DYNC1I2: variants seen among roughly 807,000 people sequenced by gnomAD.
DYNC1I2 encodes cytoplasmic dynein 1 intermediate chain 2.
Under a neutral mutation model 88.6 loss-of-function variants are expected in DYNC1I2, and 53 were observed. The observed-to-expected ratio is 0.60, with a 90% CI of 0.48 to 0.75. DYNC1I2 has a LOEUF of 0.75. Among genes scored for constraint, DYNC1I2 ranks in the 30% least tolerant of loss-of-function variants. The pLI, the probability that DYNC1I2 is intolerant of heterozygous loss-of-function variation, is 0.00. For missense variants in DYNC1I2, 458 were observed against 766.6 expected, an observed-to-expected ratio of 0.60 and a Z score of 4.75; for synonymous variants, 198 against 254.6, an observed-to-expected ratio of 0.78 and a Z score of 2.12.
intron 15 of DYNC1I2, among the ~76,000 whole-genome samples, chr2:171,738,021 A>G (rs1250125327): frequency 6.6e-6 from 1 of 152,138 alleles, no homozygotes; most frequent in East Asian, 1.9e-4. Context: ...GTATCATATA[A>G]AAATGGAATC....
chr2:171,729,885 C>G, intron 15 of DYNC1I2, 32 bp downstream of exon 15: 1 of 1,611,330 alleles, frequency 6.2e-7, no homozygotes, highest in Non-Finnish European at 8.5e-7. Context: ...GCTATTTGCT[C>G]AGGTTTCTGA....
chr2:171,728,262 T>G (rs1688376965), intron 12 of DYNC1I2, 43 bp from the exon 13 acceptor site: 1 of 1,274,706 alleles, frequency 7.8e-7, no homozygotes, highest in African/African-American at 1.5e-5. Context: ...TTGTTTTGCT[T>G]TTTGGTACAA....
chr2:171,736,667 C>G (rs1411343600), intron 15 of DYNC1I2, among the ~76,000 whole-genome samples: 1 of 152,112 alleles, frequency 6.6e-6, no homozygotes, highest in Non-Finnish European at 1.5e-5. Context: ...TGGGTACTGT[C>G]TTCATTTTCC....
chr2:171,698,090 T>G (rs1443957631), intron 3 of DYNC1I2, among the ~76,000 whole-genome samples: 2 of 152,204 alleles, frequency 1.3e-5, no homozygotes, highest in African/African-American at 4.8e-5. Flanking sequence ...AGGGTGATAC[T>G]TGGGCACTAT....
chr2:171,704,021 TTTC>T (rs991316920), intron 3 of DYNC1I2, among the ~76,000 whole-genome samples: 71 of 152,222 alleles, frequency 4.7e-4, no homozygotes, highest in African/African-American at 1.7e-3. Context: ...TGCCAGAGGC[TTTC>T]TTCTACTTGA....
chr2:171,726,245 A>T lies in DYNC1I2; in HGVS notation c.822A>T (p.Glu274Asp). 1 of 1,612,548 alleles carries T rather than the reference A, an allele frequency of 6.2e-7. No individual in the cohort carries two copies. The highest frequency in any genetic ancestry group is 8.5e-7 in the Non-Finnish European group (1 of 1,179,418). Residue 274 changes from glutamate (E) to aspartate (D), a missense_variant, in exon 10 of 18, where the codon GAA becomes GAT. Transcript: ENST00000397119. ...KLSLNRQFFD[E>D]RWSKHRVVSC... is the part of the protein sequence containing the mutation. ...CATTAAATCGACAATTTTTTGACGA[A>T]CGTTGGTCAAAGCATCGGGTGGTTA... is the stretch of plus-strand genomic sequence containing the variant.
intron 3 of DYNC1I2, among the ~76,000 whole-genome samples, chr2:171,695,053 A>G (rs747737448): frequency 2.1e-4 from 32 of 151,362 alleles, no homozygotes; most frequent in Middle Eastern, 3.2e-3. Flanking sequence ...ATTCCCACTA[A>G]TGCATTAAGT....
rs1486410983 is a variant in DYNC1I2, at chr2:171,728,378, A to C, written c.1217A>C (p.Lys406Thr). Reference protein sequence around the residue: ...HNLISISTDGKICSWSLDMLS... With the variant: ...HNLISISTDGTICSWSLDMLS... Reference sequence around the variant, plus strand: ...CTGATTAGCATCTCTACTGATGGAAAAATTTGTTCATGGAGTCTGGACATG... The same window carrying C: ...CTGATTAGCATCTCTACTGATGGAACAATTTGTTCATGGAGTCTGGACATG... Residue 406 changes from lysine (K) to threonine (T), a missense_variant, in exon 13 of 18, where the codon AAA becomes ACA. Around this residue, in one of 5 missense-constraint regions of DYNC1I2, gnomAD observed 188 missense variants for 300.4 expected, o/e 0.63. Coordinates refer to ENST00000397119, the MANE Select transcript of DYNC1I2 (RefSeq NM_001378.3). The C allele has an allele frequency of 1.2e-6, 2 of 1,605,526 alleles. No individual in the cohort carries two copies. The highest frequency in any genetic ancestry group is 1.7e-6 in the Non-Finnish European group (2 of 1,176,982).
At chr2:171,689,945 C>G (rs1034712885) in intron 1 of DYNC1I2, among the ~76,000 whole-genome samples, 1 of 120,416 alleles carries the variant, frequency 8.3e-6, no homozygotes, top group Non-Finnish European at 1.6e-5. Flanking sequence ...AGGCTGGTCT[C>G]AAACTCATGG....
chr2:171,725,108 T>C (rs1688150581), intron 7 of DYNC1I2, among the ~76,000 whole-genome samples: 1 of 152,208 alleles, frequency 6.6e-6, no homozygotes, highest in Non-Finnish European at 1.5e-5. Flanking sequence ...AAGCCATCTT[T>C]ATGCCTTATG....
At chr2:171,735,146 C>T (rs940429263) in intron 15 of DYNC1I2, among the ~76,000 whole-genome samples, 1 of 152,150 alleles carries the variant, frequency 6.6e-6, no homozygotes, top group Non-Finnish European at 1.5e-5. Flanking sequence ...AACAAGATTT[C>T]TTCCTTTTCT....
In DYNC1I2 at chr2:171,707,292, C is replaced by T; in HGVS notation, c.250C>T (p.Pro84Ser). 6.2e-7 allele frequency: 1 copy of T among 1,613,846 alleles called. No homozygotes were observed. The highest frequency in any genetic ancestry group is 8.5e-7 in the Non-Finnish European group (1 of 1,179,750). Residue 84 changes from proline to serine, a missense_variant, in exon 5 of 18, where the codon CCT (proline) becomes TCT (serine). Around this residue, in one of 5 missense-constraint regions of DYNC1I2, gnomAD observed 55 missense variants for 57.1 expected, o/e 0.96. Transcript: ENST00000397119. ...PIVFSEYWVP[P>S]PMSPSSKSVS... ...CTGTCTATTTCACTATTTAGTCCCT[C>T]CTCCTATGTCTCCATCCTCCAAATC...
At position 171,731,244 on chromosome 2, in the gene DYNC1I2, C is replaced by G. The variant is rs553375203; in HGVS notation, c.1536+1391C>G. On this transcript the variant is annotated intron_variant, in intron 15 of 17. Coordinates refer to ENST00000397119, the MANE Select transcript of DYNC1I2 (RefSeq NM_001378.3). ...GTGGGAAAAGGTAGAAGAAGATTCTCAAAGCTCACAAGCAAAGAAATGCGT... is the reference window on the plus strand; with the variant it reads ...GTGGGAAAAGGTAGAAGAAGATTCTGAAAGCTCACAAGCAAAGAAATGCGT... Among the ~76,000 whole-genome samples, 8 of 152,234 alleles carry G rather than the reference C, an allele frequency of 5.3e-5. No individual in the cohort carries two copies. The South Asian group carries it at 1.7e-3, about 32-fold the overall frequency.
intron 3 of DYNC1I2, among the ~76,000 whole-genome samples, chr2:171,706,213 C>T (rs1686666667): frequency 1.3e-5 from 2 of 152,018 alleles, no homozygotes; most frequent in Non-Finnish European, 2.9e-5. Context: ...AAAAGAAGGG[C>T]TTTCAGCTCA....
Position 171,728,935 on chromosome 2 carries a change from G to A in DYNC1I2, c.1391+85G>A. 2.9e-6 allele frequency: 4 copies of A among 1,383,846 alleles called. No individual in the cohort carries two copies. In the South Asian group the frequency reaches 5.7e-5, roughly 20 times the overall value. 85.7% of individuals were successfully genotyped at this position (1,383,846 alleles called of 1,614,324 possible). A position where few individuals can be genotyped will look rare whatever the true frequency, so the allele number is the denominator to read the frequency against. ...AATTGTCTTATTTAAGTAGAAATCT[G>A]TCGTAGATCTACTTGTTATTTGTGA... On this transcript the variant is annotated intron_variant, in intron 14 of 17. Transcript: ENST00000397119.
At chr2:171,744,440 A>G (rs1052680415) in intron 16 of DYNC1I2, among the ~76,000 whole-genome samples, 16 of 152,306 alleles carry the variant, frequency 1.1e-4, no homozygotes, top group African/African-American at 3.6e-4. Context: ...TCATGTCTCT[A>G]ATGTCCTGGC....
At chr2:171,715,286 T>C in intron 6 of DYNC1I2, 42 bp from the exon 7 acceptor site, 1 of 1,223,574 alleles carries the variant, frequency 8.2e-7, no homozygotes, top group Non-Finnish European at 1.2e-6. Context: ...TAACATGGTT[T>C]GATGTAGTTA....
chr2:171,726,340 T>A (rs1386368073), intron 10 of DYNC1I2, 47 bp downstream of exon 10: 3 of 1,288,048 alleles, frequency 2.3e-6, no homozygotes, highest in East Asian at 2.4e-5. Context: ...TTTAAAATTA[T>A]AATTAGCAGG....
chr2:171,698,553 A>G (rs978905636), intron 3 of DYNC1I2, among the ~76,000 whole-genome samples: 16 of 151,996 alleles, frequency 1.1e-4, no homozygotes, highest in African/African-American at 3.6e-4. Context: ...ACACCCAGCT[A>G]ATTTTTAAAT....
Sources: allele counts gnomAD v4.1 joint callset (sites outside exome capture counted in the v4.1 genomes callset), GRCh38; gene constraint gnomAD v4.1.1; regional missense constraint gnomAD v4.1.1; transcripts MANE v1.5; gene names NCBI Gene and HGNC (gene_info 2026-07-23, HGNC 2026-07-21).